The following RASSF4 variants were observed in gnomAD, a reference collection of about 807,000 sequenced individuals.
RASSF4 encodes ras association domain-containing protein 4.
Under a neutral mutation model 41.1 loss-of-function variants are expected in RASSF4, and 38 were observed. The ratio of observed to expected loss-of-function variants is 0.92; its 90% CI spans 0.71 to 1.21. RASSF4 has a LOEUF of 1.21. Ranked by LOEUF, RASSF4 falls within the 50% of genes most tolerant of loss-of-function variation. The probability of loss-of-function intolerance (pLI) is 0.00; values close to 1 mark genes in which losing one functional copy is unlikely to be tolerated. For synonymous variants in RASSF4, 179 were observed against 163.4 expected, an observed-to-expected ratio of 1.10 and a Z score of -0.73; for missense variants, 414 against 419.4, an observed-to-expected ratio of 0.99 and a Z score of 0.11.
At chr10:44,992,804 G>T (rs375091565) in intron 10 of RASSF4, among the ~76,000 whole-genome samples, 35 of 152,312 alleles carry the variant, frequency 2.3e-4, no homozygotes, top group African/African-American at 8.4e-4. Flanking sequence ...AGGCAGAGGA[G>T]ACCAAAGTCA....
intron 9 of RASSF4, 75 bp downstream of exon 9, chr10:44,991,144 C>A (rs765914436): frequency 2.1e-6 from 3 of 1,416,658 alleles, no homozygotes; most frequent in Non-Finnish European, 2.9e-6. Context: ...CCCAAGGACT[C>A]CTGGCCAGAG....
At chr10:44,974,458 G>A (rs1397609316) in intron 3 of RASSF4, among the ~76,000 whole-genome samples, 1 of 152,242 alleles carries the variant, frequency 6.6e-6, no homozygotes, top group African/African-American at 2.4e-5. Flanking sequence ...TTACAAAACA[G>A]CAATACCGTT....
At chr10:44,984,375 A>C (rs1260799597) in intron 5 of RASSF4, 1 of 531,518 alleles carries the variant, frequency 1.9e-6, no homozygotes, top group Non-Finnish European at 3.3e-6. Flanking sequence ...TGTGTGTGCT[A>C]TGGGAAACAG....
At chr10:44,984,203 A>G in intron 5 of RASSF4, 90 bp downstream of exon 5, 1 of 1,297,094 alleles carries the variant, frequency 7.7e-7, no homozygotes, top group Non-Finnish European at 1.0e-6. Context: ...TCCGAAGGAC[A>G]GCTTTGTGCC....
chr10:44,982,400 A>T, intron 3 of RASSF4, 121 bp from the exon 4 acceptor site: 1 of 1,224,304 alleles, frequency 8.2e-7, no homozygotes, highest in Non-Finnish European at 1.2e-6. Context: ...TCCTGAGGGG[A>T]TGGGGCCACT....
chr10:44,980,772 C>A (rs113619717), intron 3 of RASSF4: 2,311 of 152,504 alleles, frequency 0.015, 69 homozygotes, highest in African/African-American at 0.051. Context: ...AGTGGGTCTC[C>A]ATGAGTGAGC....
chr10:44,960,420 C>T (rs1840665371), intron 1 of RASSF4, among the ~76,000 whole-genome samples: 1 of 152,168 alleles, frequency 6.6e-6, no homozygotes, highest in African/African-American at 2.4e-5. Flanking sequence ...TAAAATTGTC[C>T]ACCTTTACCG....
intron 3 of RASSF4, chr10:44,977,382 TG>T (rs1201233433): frequency 6.4e-7 from 1 of 1,556,426 alleles, no homozygotes. Flanking sequence ...AAGCCTTTAC[TG>T]GGGAGGGGTC....
chr10:44,972,357 G>A (rs777660536), intron 3 of RASSF4, among the ~76,000 whole-genome samples: 4 of 152,248 alleles, frequency 2.6e-5, no homozygotes, highest in Non-Finnish European at 5.9e-5. Context: ...AGGCAGCGCA[G>A]GTGTGGGGAG....
chr10:44,984,027 A>G lies in RASSF4; in HGVS notation c.287A>G (p.Glu96Gly), dbSNP rs532136550. The G allele has an allele frequency of 6.3e-7, 1 of 1,598,032 alleles. No individual in the cohort carries two copies. Among genetic ancestry groups the G allele is most frequent in the Non-Finnish European group, 8.5e-7 (1 of 1,172,548 alleles). ...MPRRPSCPLK[E>G]PSPQNGNITA... The stretch of plus-strand genomic sequence containing the variant: ...CTGCAGTTGTCTGTTTTCAGAAAGG[A>G]GCCATCGCCCCAGAACGGGAACATC... The change falls in exon 5 of 11, where the codon GAG becomes GGG. Residue 96 changes from glutamate (E) to glycine (G), a missense_variant. Glu to Gly is a moderately conservative substitution (Grantham distance 98, BLOSUM62 -2). Coordinates refer to ENST00000340258, the MANE Select transcript of RASSF4 (RefSeq NM_032023.4).
At chr10:44,982,871 C>A in intron 4 of RASSF4, 1 of 710,766 alleles carries the variant, frequency 1.4e-6, no homozygotes, top group East Asian at 2.7e-5. Context: ...TTCCAGGCTC[C>A]CATGACCTCT....
intron 6 of RASSF4, among the ~76,000 whole-genome samples, chr10:44,985,272 C>A (rs1257178232): frequency 6.6e-6 from 1 of 152,190 alleles, no homozygotes; most frequent in Non-Finnish European, 1.5e-5. Flanking sequence ...TCCCCCCGAA[C>A]TCGATTGGTT....
At chr10:44,979,311 C>T (rs1841601900) in intron 3 of RASSF4, among the ~76,000 whole-genome samples, 1 of 152,162 alleles carries the variant, frequency 6.6e-6, no homozygotes, top group African/African-American at 2.4e-5. Context: ...CTTCTTACAC[C>T]CCAGATGGGG....
intron 7 of RASSF4, 26 bp from the exon 8 acceptor site, chr10:44,989,644 C>G: frequency 6.2e-7 from 1 of 1,612,850 alleles, no homozygotes. Flanking sequence ...GCACCGTGAT[C>G]TGACTTCCTG....
chr10:44,979,937 G>A (rs1292994353), intron 3 of RASSF4, among the ~76,000 whole-genome samples: 9 of 152,148 alleles, frequency 5.9e-5, no homozygotes, highest in Admixed American at 5.9e-4. Context: ...CTGTCCAGGA[G>A]TGACCATGCC....
At chr10:44,968,890 AAC>A (rs769985396) in intron 1 of RASSF4, among the ~76,000 whole-genome samples, 84 of 152,226 alleles carry the variant, frequency 5.5e-4, no homozygotes, top group Non-Finnish European at 2.9e-4. Flanking sequence ...AATGTGTCCT[AAC>A]ACCCCTAGCC....
intron 3 of RASSF4, chr10:44,981,394 A>G (rs1160087783): frequency 6.6e-6 from 1 of 152,204 alleles, no homozygotes; most frequent in Non-Finnish European, 1.5e-5. Flanking sequence ...AGTCCTGGAT[A>G]TGGGCTGGAC....
Position 44,993,435 on chromosome 10 carries a change from G to A in RASSF4, c.*106G>A, listed in dbSNP as rs982158453. The A allele has an allele frequency of 5.0e-6, 4 of 803,992 alleles. No individual in the cohort carries two copies. Among genetic ancestry groups the A allele is most frequent in the African/African-American group, 3.4e-5 (2 of 59,174 alleles). 49.8% of individuals were successfully genotyped at this position (803,992 alleles called of 1,614,324 possible). ...CATTGACTGATGGCCACCGCCTGACGAATCGAGTGCCTGTGTGTCTACCTC... is the reference window on the plus strand; with the variant it reads ...CATTGACTGATGGCCACCGCCTGACAAATCGAGTGCCTGTGTGTCTACCTC... On this transcript the variant is annotated 3_prime_UTR_variant, in exon 11 of 11. Coordinates refer to ENST00000340258, the MANE Select transcript of RASSF4 (RefSeq NM_032023.4).
chr10:44,984,202 C>G (rs1841831280), intron 5 of RASSF4, 89 bp downstream of exon 5: 1 of 1,294,782 alleles, frequency 7.7e-7, no homozygotes, highest in East Asian at 2.6e-5. Flanking sequence ...CTCCGAAGGA[C>G]AGCTTTGTGC....
Sources: allele counts gnomAD v4.1 joint callset (sites outside exome capture counted in the v4.1 genomes callset), GRCh38; gene constraint gnomAD v4.1.1; transcripts MANE v1.5; gene names NCBI Gene and HGNC (gene_info 2026-07-23, HGNC 2026-07-21).